DAAM1: variants seen among roughly 807,000 people sequenced by gnomAD.
DAAM1 encodes dishevelled associated activator of morphogenesis 1.
In DAAM1, 52 loss-of-function variants were observed where a neutral mutation model predicts 130.0. The ratio of observed to expected loss-of-function variants is 0.40; its 90% CI spans 0.32 to 0.50. The LOEUF is 0.50. Ranked by LOEUF, DAAM1 falls within the 20% of genes least tolerant of loss-of-function variation. The probability of loss-of-function intolerance (pLI) is 0.61; values close to 1 mark genes in which losing one functional copy is unlikely to be tolerated. For synonymous variants in DAAM1, 452 were observed against 444.5 expected (o/e 1.02, Z -0.21); for missense variants, 1,134 against 1,303.8 (o/e 0.87, Z 2.01).
intron 3 of DAAM1, among the ~76,000 whole-genome samples, chr14:59,295,901 G>A (rs1330934824): frequency 1.3e-5 from 2 of 152,194 alleles, no homozygotes; most frequent in Non-Finnish European, 2.9e-5. Context: ...ATACAGTAAA[G>A]TGAGCATTGG....
chr14:59,251,087 C>T (rs1176702492), intron 1 of DAAM1, among the ~76,000 whole-genome samples: 1 of 152,194 alleles, frequency 6.6e-6, no homozygotes, highest in African/African-American at 2.4e-5. Context: ...TGTGGTACAG[C>T]ATTGTTACTG....
chr14:59,194,848 C>T (rs76674533), intron 1 of DAAM1, among the ~76,000 whole-genome samples: 12,929 of 152,224 alleles, frequency 0.085, 751 homozygotes, highest in Non-Finnish European at 0.13. Flanking sequence ...TGGGGAAAAC[C>T]AGGGAAGCAA....
At chr14:59,248,852 C>T (rs944107782) in intron 1 of DAAM1, among the ~76,000 whole-genome samples, 3 of 152,110 alleles carry the variant, frequency 2.0e-5, no homozygotes, top group Non-Finnish European at 2.9e-5. Context: ...GGTGCGATCT[C>T]GGCTCACTGC....
intron 15 of DAAM1, among the ~76,000 whole-genome samples, chr14:59,333,583 C>T (rs1380635325): frequency 6.6e-6 from 1 of 152,192 alleles, no homozygotes; most frequent in Non-Finnish European, 1.5e-5. Context: ...TTCAAATAAT[C>T]TTCTAACCTG....
intron 1 of DAAM1, among the ~76,000 whole-genome samples, chr14:59,192,150 GT>G (rs1201580682): frequency 0.027 from 161 of 5,920 alleles, no homozygotes; most frequent in African/African-American, 0.047. Flanking sequence ...TTGTTAAGGG[GT>G]GTGTGTGTGT....
intron 20 of DAAM1, among the ~76,000 whole-genome samples, chr14:59,357,788 A>G (rs978909877): frequency 3.9e-5 from 6 of 152,198 alleles, no homozygotes; most frequent in African/African-American, 1.4e-4. Flanking sequence ...AAAAGAGAAA[A>G]AAAAAAATGA....
intron 17 of DAAM1, among the ~76,000 whole-genome samples, chr14:59,349,397 A>C (rs1784137129): frequency 1.3e-5 from 2 of 152,256 alleles, no homozygotes; most frequent in Admixed American, 6.5e-5. Context: ...GCAAGAAATA[A>C]AACCAGTCTA....
At chr14:59,264,058 G>A (rs573564224) in intron 2 of DAAM1, 2 of 279,016 alleles carry the variant, frequency 7.2e-6, no homozygotes, top group South Asian at 4.1e-5. Flanking sequence ...CCCCCACACC[G>A]AATGTACAGT....
At chr14:59,325,859 C>T (rs1220748500) in intron 9 of DAAM1, 101 bp from the exon 10 acceptor site, 3 of 1,519,088 alleles carry the variant, frequency 2.0e-6, no homozygotes, top group African/African-American at 1.4e-5. Flanking sequence ...ATTTTGTTTC[C>T]TAAGTGGCAG....
At chr14:59,218,883 C>T (rs1356676547) in intron 1 of DAAM1, among the ~76,000 whole-genome samples, 1 of 152,134 alleles carries the variant, frequency 6.6e-6, no homozygotes, top group African/African-American at 2.4e-5. Flanking sequence ...TTCCCCCGGC[C>T]CTCCACACAT....
At chr14:59,260,871 G>C (rs1882128487) in intron 1 of DAAM1, among the ~76,000 whole-genome samples, 1 of 152,178 alleles carries the variant, frequency 6.6e-6, no homozygotes, top group African/African-American at 2.4e-5. Context: ...GAGCGAGAAG[G>C]AATGAGTAGT....
At chr14:59,347,343 A>T (rs1174276853) in intron 16 of DAAM1, among the ~76,000 whole-genome samples, 196 bp from the exon 17 acceptor site, 1 of 152,210 alleles carries the variant, frequency 6.6e-6, no homozygotes. Flanking sequence ...TCAGCAGAGC[A>T]TTACAAAGCC....
At chr14:59,276,631 G>T (rs1425794307) in intron 2 of DAAM1, among the ~76,000 whole-genome samples, 1 of 152,284 alleles carries the variant, frequency 6.6e-6, no homozygotes, top group East Asian at 1.9e-4. Flanking sequence ...GTGAATTGGG[G>T]CTGTTTATTC....
intron 16 of DAAM1, among the ~76,000 whole-genome samples, chr14:59,341,543 G>T (rs1885848341): frequency 6.6e-6 from 1 of 151,966 alleles, no homozygotes; most frequent in South Asian, 2.1e-4. Context: ...TTTAGTTATT[G>T]TTGATCTCTC....
At chr14:59,355,046 T>C in intron 19 of DAAM1, 119 bp from the exon 20 acceptor site, 1 of 1,336,302 alleles carries the variant, frequency 7.5e-7, no homozygotes, top group Admixed American at 2.3e-5. Context: ...AATAACTCAG[T>C]CTTACATCTT....
At chr14:59,255,275 A>G (rs941304989) in intron 1 of DAAM1, among the ~76,000 whole-genome samples, 2 of 152,144 alleles carry the variant, frequency 1.3e-5, no homozygotes, top group Non-Finnish European at 2.9e-5. Flanking sequence ...CACTGAACAC[A>G]CTGACTGAGA....
At chr14:59,292,071 C>T (rs1052854491) in intron 3 of DAAM1, among the ~76,000 whole-genome samples, 2 of 152,092 alleles carry the variant, frequency 1.3e-5, no homozygotes, top group Non-Finnish European at 2.9e-5. Context: ...AACTTTTAAA[C>T]CCTGTAGCAG....
Position 59,363,686 on chromosome 14 carries a change from C to A in DAAM1, c.2730C>A (p.Pro910=). Residue 910 remains proline, a synonymous_variant, in exon 23 of 25, where the codon CCC becomes CCA. Coordinates refer to ENST00000360909, the MANE Select transcript of DAAM1 (RefSeq NM_001270520.2). ...ATCAGAAGTCTCAGCCCCCACAGCC[C>A]GGAGATAAGTTTGTGTCTGTTGTCA... ...LEYQKSQPPQ[P]GDKFVSVVSQ... is the part of the protein sequence containing the mutation. 1 of 1,614,114 alleles carries A rather than the reference C, an allele frequency of 6.2e-7. No individual in the cohort carries two copies. Among genetic ancestry groups the A allele is most frequent in the South Asian group, 1.1e-5 (1 of 91,084 alleles).
chr14:59,309,064 A>G (rs1884476966), intron 3 of DAAM1, among the ~76,000 whole-genome samples: 1 of 152,238 alleles, frequency 6.6e-6, no homozygotes, highest in African/African-American at 2.4e-5. Context: ...TCTTTTGGCA[A>G]GCTTCAGATA....
Sources: gnomAD v4.1 joint callset for allele counts (sites outside exome capture counted in the v4.1 genomes callset) on GRCh38, gnomAD v4.1.1 for gene constraint, MANE v1.5 for transcripts, NCBI Gene and HGNC (gene_info 2026-07-23, HGNC 2026-07-21) for gene names.